The following PARD3B variants were observed in gnomAD, a reference collection of about 807,000 sequenced individuals.
PARD3B encodes partitioning defective 3 homolog B.
A neutral mutation model predicts 130.2 loss-of-function variants in PARD3B; 103 were observed. The observed-to-expected ratio is 0.79, with a 90% CI of 0.67 to 0.93. The LOEUF is 0.93. Among genes scored for constraint, PARD3B ranks in the 40% least tolerant of loss-of-function variants. PARD3B has a pLI of 0.00. For synonymous variants in PARD3B, 583 were observed against 553.2 expected (o/e 1.05, Z -0.76); for missense variants, 1,609 against 1,499.2 (o/e 1.07, Z -1.21).
rs1373435165 is a variant in PARD3B, at chr2:204,583,138, T to G, written c.120+37019T>G. The stretch of plus-strand genomic sequence containing the variant: ...TCCCATTACTGGGTATATACCCAAA[T>G]GACTATAAATCATGCTGCTATAAAG... On this transcript the variant is annotated intron_variant, in intron 1 of 22. Coordinates refer to ENST00000406610, the MANE Select transcript of PARD3B (RefSeq NM_001302769.2). Among the ~76,000 whole-genome samples the G allele has an allele frequency of 3.4e-3, 469 of 139,706 alleles. 1 individual carries two copies. Among genetic ancestry groups the G allele is most frequent in the African/African-American group, 0.012 (445 of 36,606 alleles). The allele number at this position is 139,706 out of a possible 152,430, so 91.7% of individuals were successfully genotyped here.
rs111859544 is a variant in PARD3B, at chr2:205,024,626, C to G, written c.395-22955C>G. Among the ~76,000 whole-genome samples the G allele has an allele frequency of 4.6e-3, 697 of 152,178 alleles. 4 individuals are homozygous for G. The highest frequency in any genetic ancestry group is 0.015 in the African/African-American group (638 of 41,520). ...TTTGGTAGGACACTATTATTTAATT[C>G]CTTGTCATGCTAGACCAAGGTTAGA... is the stretch of plus-strand genomic sequence containing the variant. On this transcript the variant is annotated intron_variant, in intron 3 of 22. Transcript: ENST00000406610.
intron 3 of PARD3B, among the ~76,000 whole-genome samples, chr2:205,005,417 G>T (rs548524242): frequency 6.6e-6 from 1 of 152,096 alleles, no homozygotes; most frequent in South Asian, 2.1e-4. Context: ...GTATTAAAAG[G>T]GCACAAGTTT....
intron 3 of PARD3B, among the ~76,000 whole-genome samples, chr2:204,985,733 G>A (rs866355810): frequency 1.3e-5 from 2 of 152,144 alleles, no homozygotes; most frequent in Non-Finnish European, 2.9e-5. Context: ...TCATATGGGG[G>A]GAAGATCTGG....
chr2:205,273,479 A>G (rs2040821774), intron 16 of PARD3B, among the ~76,000 whole-genome samples: 1 of 152,220 alleles, frequency 6.6e-6, no homozygotes, highest in Admixed American at 6.5e-5. Context: ...TCTAATGACC[A>G]GCTCTTCCTT....
intron 12 of PARD3B, among the ~76,000 whole-genome samples, chr2:205,173,311 G>T (rs1028214827): frequency 6.6e-6 from 1 of 152,190 alleles, no homozygotes; most frequent in African/African-American, 2.4e-5. Context: ...TGGTAGTGGG[G>T]CTCATTGTAG....
At chr2:204,985,439 AT>A (rs1444624049) in intron 3 of PARD3B, among the ~76,000 whole-genome samples, 1 of 152,224 alleles carries the variant, frequency 6.6e-6, no homozygotes, top group Non-Finnish European at 1.5e-5. Flanking sequence ...CTATATCAGA[AT>A]GTGTGAGGCC....
chr2:204,894,444 C>CT (rs141268930), intron 2 of PARD3B, among the ~76,000 whole-genome samples: 7,114 of 146,654 alleles, frequency 0.049, 305 homozygotes, highest in African/African-American at 0.11. Flanking sequence ...GGCATTTTTA[C>CT]TTTTTTTTTT....
At chr2:205,154,518 C>G (rs2033982850) in intron 10 of PARD3B, among the ~76,000 whole-genome samples, 1 of 152,190 alleles carries the variant, frequency 6.6e-6, no homozygotes, top group Non-Finnish European at 1.5e-5. Flanking sequence ...ACTAGAAATA[C>G]TATTTGACCC....
intron 2 of PARD3B, among the ~76,000 whole-genome samples, chr2:204,722,496 G>T (rs1459041469): frequency 6.6e-6 from 1 of 152,118 alleles, no homozygotes; most frequent in Non-Finnish European, 1.5e-5. Context: ...TAATCATGTT[G>T]GTTACCATGC....
intron 18 of PARD3B, among the ~76,000 whole-genome samples, chr2:205,322,341 T>G (rs2042779844): frequency 6.6e-6 from 1 of 152,124 alleles, no homozygotes; most frequent in Non-Finnish European, 1.5e-5. Flanking sequence ...TATGTTGGAG[T>G]GACCACTCCA....
rs190903605 is a variant in PARD3B at position 205,579,469 on chromosome 2, C to T, written c.3260+26066C>T. 2.3e-4 allele frequency among the ~76,000 whole-genome samples: 35 copies of T among 152,256 alleles called. 1 individual carries two copies. In the South Asian group the frequency reaches 2.9e-3, roughly 13 times the overall value. ...TCTGTGCCGACAGGGAAGGCAGCTG[C>T]GGTTATGAACCAGCACACACCAGAG... On this transcript the variant is annotated intron_variant, in intron 22 of 22. Transcript: ENST00000406610.
chr2:204,653,780 T>C (rs1463232832), intron 1 of PARD3B, among the ~76,000 whole-genome samples: 8 of 130,798 alleles, frequency 6.1e-5, no homozygotes, highest in Non-Finnish European at 9.2e-5. Context: ...AGCAAGACTC[T>C]GTCTCAAAAA....
intron 20 of PARD3B, among the ~76,000 whole-genome samples, chr2:205,474,919 C>T (rs1301531880): frequency 6.6e-6 from 1 of 152,088 alleles, no homozygotes; most frequent in Non-Finnish European, 1.5e-5. Flanking sequence ...TAGAAGCTCA[C>T]GCCTGTTCCA....
chr2:204,804,006 G>A (rs1233368443), intron 2 of PARD3B, among the ~76,000 whole-genome samples: 1 of 152,142 alleles, frequency 6.6e-6, no homozygotes, highest in South Asian at 2.1e-4. Context: ...CTTCAGCCAG[G>A]AGTTTGAGAC....
intron 2 of PARD3B, among the ~76,000 whole-genome samples, chr2:204,699,333 A>G (rs2037771486): frequency 1.3e-5 from 2 of 152,130 alleles, no homozygotes; most frequent in Non-Finnish European, 2.9e-5. Context: ...AATGTACTTC[A>G]TGTCCAAGCA....
chr2:204,729,509 G>A (rs965708658), intron 2 of PARD3B, among the ~76,000 whole-genome samples: 10 of 152,102 alleles, frequency 6.6e-5, no homozygotes. Flanking sequence ...CTTAAAATGT[G>A]TTTTTCAGTA....
intron 15 of PARD3B, among the ~76,000 whole-genome samples, chr2:205,219,051 G>T (rs2038098634): frequency 6.6e-6 from 1 of 151,526 alleles, no homozygotes; most frequent in South Asian, 2.1e-4. Flanking sequence ...CTGCACTACA[G>T]CCTGGGGGAC....
chr2:205,031,127 C>A (rs141757437), intron 3 of PARD3B, among the ~76,000 whole-genome samples: 35 of 152,232 alleles, frequency 2.3e-4, no homozygotes, highest in African/African-American at 8.4e-4. Context: ...CATCACAAAT[C>A]CATTTAGCTG....
intron 3 of PARD3B, among the ~76,000 whole-genome samples, chr2:204,995,564 G>A (rs1415922373): frequency 6.6e-5 from 8 of 121,202 alleles, no homozygotes; most frequent in Admixed American, 3.5e-4. Context: ...GTGTCTTGGA[G>A]TTGCTCTTCT....
Sources: gnomAD v4.1 joint callset for allele counts (sites outside exome capture counted in the v4.1 genomes callset) on GRCh38, gnomAD v4.1.1 for gene constraint, MANE v1.5 for transcripts, NCBI Gene and HGNC (gene_info 2026-07-23, HGNC 2026-07-21) for gene names.